The following FER1L6 variants were observed in gnomAD, a reference collection of about 807,000 sequenced individuals.
The protein encoded by FER1L6 is fer-1 like family member 6.
Under a neutral mutation model 219.2 loss-of-function variants are expected in FER1L6, and 177 were observed. That is an observed-to-expected ratio of 0.81 (90% CI 0.71 to 0.91). The LOEUF is 0.91. FER1L6 is among the 40% of genes least tolerant of loss of function. The pLI, the probability that FER1L6 is intolerant of heterozygous loss-of-function variation, is 0.00. For synonymous variants in FER1L6, 768 were observed against 824.3 expected (o/e 0.93, Z 1.17); for missense variants, 2,153 against 2,259.9 (o/e 0.95, Z 0.96).
At chr8:123,972,733 T>C (rs1259706505) in intron 6 of FER1L6, among the ~76,000 whole-genome samples, 1 of 152,228 alleles carries the variant, frequency 6.6e-6, no homozygotes, top group Admixed American at 6.5e-5. Context: ...GACACTTCAG[T>C]TGCCATTGCC....
At chr8:124,089,932 T>C (rs913571389) in intron 33 of FER1L6, among the ~76,000 whole-genome samples, 1 of 152,182 alleles carries the variant, frequency 6.6e-6, no homozygotes, top group Non-Finnish European at 1.5e-5. Context: ...CATTATAAGA[T>C]GGTAAAACCA....
chr8:124,063,253 A>G (rs952574757), intron 25 of FER1L6, among the ~76,000 whole-genome samples: 1 of 152,184 alleles, frequency 6.6e-6, no homozygotes, highest in African/African-American at 2.4e-5. Context: ...ATAACTACTA[A>G]CCTTGTCTAT....
At position 124,015,607 on chromosome 8, in the gene FER1L6, A is replaced by ATGTATG. The variant is rs71303477; in HGVS notation, c.1923-2020_1923-2019insGTATGT. ...TATATATATATATATATATATATAT[A>ATGTATG]TATATATATTACTCCTGCTGTGAGC... is the stretch of plus-strand genomic sequence containing the variant. On this transcript the variant is annotated intron_variant, in intron 15 of 40. Transcript: ENST00000522917. Among the ~76,000 whole-genome samples the ATGTATG allele has an allele frequency of 5.7e-3, 507 of 88,590 alleles. 23 individuals carry two copies. Among genetic ancestry groups the ATGTATG allele is most frequent in the African/African-American group, 0.021 (486 of 23,250 alleles). 58.1% of individuals were successfully genotyped at this position (88,590 alleles called of 152,430 possible). A position where few individuals can be genotyped will look rare whatever the true frequency, so the allele number is the denominator to read the frequency against.
intron 2 of FER1L6, among the ~76,000 whole-genome samples, chr8:123,958,320 G>A (rs1288286388): frequency 2.6e-5 from 4 of 152,160 alleles, no homozygotes; most frequent in Non-Finnish European, 4.4e-5. Flanking sequence ...GGGCATGGCC[G>A]AGGTCTCTTA....
chr8:123,920,513 G>A (rs530883389), intron 1 of FER1L6, among the ~76,000 whole-genome samples: 11 of 152,350 alleles, frequency 7.2e-5, no homozygotes, highest in African/African-American at 2.6e-4. Flanking sequence ...ATGGCACAGT[G>A]ACCATGTCTG....
intron 1 of FER1L6, among the ~76,000 whole-genome samples, chr8:123,882,181 ATT>A (rs11338300): frequency 5.4e-5 from 8 of 147,822 alleles, no homozygotes; most frequent in Middle Eastern, 3.5e-3. Context: ...ACAAAACCAC[ATT>A]TTTTTTTTTT....
chr8:123,937,054 C>G (rs899920636), intron 1 of FER1L6, among the ~76,000 whole-genome samples: 1 of 152,136 alleles, frequency 6.6e-6, no homozygotes, highest in African/African-American at 2.4e-5. Flanking sequence ...TACAGGTGCC[C>G]ACCACCATGC....
At chr8:124,084,048 A>C (rs971395634) in intron 33 of FER1L6, among the ~76,000 whole-genome samples, 1 of 151,532 alleles carries the variant, frequency 6.6e-6, no homozygotes, top group Non-Finnish European at 1.5e-5. Context: ...TGCTTTCTTT[A>C]TTTCTTTTTC....
intron 39 of FER1L6, among the ~76,000 whole-genome samples, chr8:124,106,408 G>A (rs1341884283): frequency 1.4e-5 from 2 of 144,572 alleles, no homozygotes; most frequent in East Asian, 4.2e-4. Flanking sequence ...TTGTTTAAAA[G>A]CAATGTTAGT....
rs1816277312 is a variant in FER1L6 at position 123,980,558 on chromosome 8, G to C, written c.1157G>C (p.Gly386Ala). The C allele has an allele frequency of 6.2e-7, 1 of 1,614,168 alleles. No individual in the cohort carries two copies. The highest frequency in any genetic ancestry group is 1.3e-5 in the African/African-American group (1 of 75,060). Reference sequence around the variant, plus strand: ...GATGACTACCAGGAAATGAACGAAGGCTTTGGGGAAGGTGTGTCATTCAGG... The same window carrying C: ...GATGACTACCAGGAAATGAACGAAGCCTTTGGGGAAGGTGTGTCATTCAGG... ...LMDDYQEMNE[G>A]FGEGVSFRGR... Residue 386 changes from glycine to alanine, a missense_variant, in exon 11 of 41, where the codon GGC (glycine) becomes GCC (alanine). By Grantham distance (60) the Gly-to-Ala change is moderately conservative (BLOSUM62 0). Coordinates refer to ENST00000522917, the MANE Select transcript of FER1L6 (RefSeq NM_001039112.2).
chr8:123,953,612 C>T (rs911868475), intron 1 of FER1L6, among the ~76,000 whole-genome samples: 2 of 152,192 alleles, frequency 1.3e-5, no homozygotes, highest in Admixed American at 6.5e-5. Context: ...GAACTCAGAA[C>T]GCTGAGGCTA....
rs56104148 is a variant in FER1L6 at position 124,092,852 on chromosome 8, CTTTTTTTTTTTTTTTT to C, written c.4552+1275_4552+1290del. On this transcript the variant is annotated intron_variant, in intron 34 of 40. Transcript: ENST00000522917. ...AGAGAGAAAGCGGGGAAGTGCTACC[CTTTTTTTTTTTTTTTT>C]TTTTTGAGATGGAGTCTCATTCTGT... Among the ~76,000 whole-genome samples the C allele has an allele frequency of 2.9e-4, 40 of 140,162 alleles. 1 individual carries two copies. In the South Asian group the frequency reaches 7.9e-3, roughly 28 times the overall value. 92.0% of individuals were successfully genotyped at this position (140,162 alleles called of 152,430 possible).
intron 1 of FER1L6, among the ~76,000 whole-genome samples, chr8:123,952,212 G>GAGCTCAGAGAAGTCCCAGGGCC (rs1814801646): frequency 6.6e-6 from 1 of 152,200 alleles, no homozygotes; most frequent in African/African-American, 2.4e-5. Context: ...GAGGAGCCTG[G>GAGCTCAGAGAAGTCCCAGGGCC]AGCTCAGAGA....
chr8:123,893,464 A>G (rs975606552), intron 1 of FER1L6, among the ~76,000 whole-genome samples: 3 of 152,232 alleles, frequency 2.0e-5, no homozygotes, highest in Non-Finnish European at 4.4e-5. Context: ...TTTTTGAACT[A>G]TTTATAGTTT....
At chr8:124,015,806 A>G (rs909130880) in intron 15 of FER1L6, 7 of 152,420 alleles carry the variant, frequency 4.6e-5, no homozygotes, top group Non-Finnish European at 7.4e-5. Context: ...ACTGAAAAAA[A>G]TATTAGGATA....
intron 8 of FER1L6, 100 bp downstream of exon 8, chr8:123,975,406 T>A: frequency 8.5e-7 from 1 of 1,169,948 alleles, no homozygotes; most frequent in Non-Finnish European, 1.2e-6. Flanking sequence ...ATGAGAACCA[T>A]GCTTCTTCTC....
chr8:123,905,773 AT>A lies in FER1L6; in HGVS notation c.-7-50212del, dbSNP rs553840384. 2.4e-4 allele frequency among the ~76,000 whole-genome samples: 36 copies of A among 152,182 alleles called. 1 individual carries two copies. In the South Asian group the frequency reaches 7.3e-3, roughly 31 times the overall value. ...TCTCTTAACAAATGTAGCTATTATTATTTTTTTCTGAGTTGTACATTGCTGT... is the reference window on the plus strand; with the variant it reads ...TCTCTTAACAAATGTAGCTATTATTATTTTTTCTGAGTTGTACATTGCTGT... On this transcript the variant is annotated intron_variant, in intron 1 of 40. Coordinates refer to ENST00000522917, the MANE Select transcript of FER1L6 (RefSeq NM_001039112.2).
At chr8:123,929,070 A>G (rs1813669302) in intron 1 of FER1L6, among the ~76,000 whole-genome samples, 1 of 152,204 alleles carries the variant, frequency 6.6e-6, no homozygotes, top group Admixed American at 6.5e-5. Flanking sequence ...AAGATGATCT[A>G]TGAAGAAGTC....
chr8:123,952,043 A>T (rs1409198901), intron 1 of FER1L6, among the ~76,000 whole-genome samples: 1 of 152,222 alleles, frequency 6.6e-6, no homozygotes, highest in African/African-American at 2.4e-5. Flanking sequence ...GCAATTTTCT[A>T]ATCCTGGCTT....
Sources: gnomAD v4.1 joint callset for allele counts (sites outside exome capture counted in the v4.1 genomes callset) on GRCh38, gnomAD v4.1.1 for gene constraint, MANE v1.5 for transcripts, NCBI Gene and HGNC (gene_info 2026-07-23, HGNC 2026-07-21) for gene names.